Variants in TOP6BL observed in about 807,000 individuals in gnomAD.
The protein encoded by TOP6BL is TOP6B like initiator of meiotic double strand breaks, also known as type 2 DNA topoisomerase 6 subunit B-like.
At chr11:66,823,282 G>A in the TOP6BL span, among the ~76,000 whole-genome samples, 4 of 127,222 alleles carry the variant, frequency 3.1e-5, no homozygotes, top group South Asian at 2.5e-4. Context: ...TGACAACAGC[G>A]AGACTCCACC....
chr11:66,785,063 CT>C, the TOP6BL span, among the ~76,000 whole-genome samples: 28 of 149,706 alleles, frequency 1.9e-4, no homozygotes, highest in Admixed American at 1.9e-3. Context: ...TCTAGCAGTC[CT>C]CCTGCCTCAG....
chr11:66,770,068 GAGGA>G, the TOP6BL span, among the ~76,000 whole-genome samples: 9 of 152,134 alleles, frequency 5.9e-5, no homozygotes, highest in African/African-American at 2.2e-4. Context: ...TTTATAAGAA[GAGGA>G]AGGGAGAGAG....
chr11:66,843,284 C>G, the TOP6BL span: 277 of 1,592,892 alleles, frequency 1.7e-4, no homozygotes, highest in East Asian at 1.2e-3. Flanking sequence ...TGCGGGCAGC[C>G]GTTATCCCGT....
chr11:66,791,733 G>T, the TOP6BL span, among the ~76,000 whole-genome samples: 3 of 152,100 alleles, frequency 2.0e-5, no homozygotes, highest in Non-Finnish European at 4.4e-5. Context: ...GCTTCTGTAG[G>T]TATGTCAGGC....
the TOP6BL span, chr11:66,756,337 CT>C: frequency 0.015 from 16,396 of 1,081,708 alleles, 84 homozygotes; most frequent in Admixed American, 0.018. Flanking sequence ...CTTTTCCCCC[CT>C]TTTTTTTTTC....
the TOP6BL span, among the ~76,000 whole-genome samples, chr11:66,810,802 G>C: frequency 6.6e-6 from 1 of 152,114 alleles, no homozygotes; most frequent in Non-Finnish European, 1.5e-5. Context: ...TTTTGGCATA[G>C]TGATTTGGGG....
chr11:66,842,759 G>C, the TOP6BL span: 2 of 1,297,632 alleles, frequency 1.5e-6, no homozygotes, highest in Admixed American at 2.7e-5. Flanking sequence ...AGAGCCCCTC[G>C]GCGCCCGTTC....
the TOP6BL span, chr11:66,828,358 G>A: frequency 6.2e-7 from 1 of 1,609,710 alleles, no homozygotes; most frequent in Non-Finnish European, 8.5e-7. Flanking sequence ...CATGTGAGGT[G>A]AAGCAGGTAA....
the TOP6BL span, chr11:66,801,173 T>C: frequency 6.7e-7 from 1 of 1,493,436 alleles, no homozygotes; most frequent in Non-Finnish European, 9.3e-7. Context: ...TGGGTAGAAA[T>C]TGGAAATTGT....
At chr11:66,843,480 C>G in the TOP6BL span, 1 of 1,466,792 alleles carries the variant, frequency 6.8e-7, no homozygotes. Context: ...CGGGGATGGG[C>G]TGCGACTGCT....
chr11:66,789,827 A>G, the TOP6BL span, among the ~76,000 whole-genome samples: 32 of 152,338 alleles, frequency 2.1e-4, 1 homozygote, highest in South Asian at 6.6e-3. Flanking sequence ...GTGTCATACA[A>G]CAGTTAAATG....
chr11:66,797,329 T>C, the TOP6BL span, among the ~76,000 whole-genome samples: 5 of 152,102 alleles, frequency 3.3e-5, no homozygotes, highest in Non-Finnish European at 5.9e-5. Flanking sequence ...TTATGTGTTA[T>C]AGCGAGAAAC....
chr11:66,842,999 G>A, the TOP6BL span: 14 of 1,550,894 alleles, frequency 9.0e-6, no homozygotes, highest in East Asian at 4.9e-5. Flanking sequence ...ACTCCTAGAG[G>A]AAGGGAGCAC....
At chr11:66,842,067 T>G in the TOP6BL span, among the ~76,000 whole-genome samples, 1 of 152,078 alleles carries the variant, frequency 6.6e-6, no homozygotes, top group Non-Finnish European at 1.5e-5. Flanking sequence ...TGTGGTGGCA[T>G]GCGCCTGTGG....
At chr11:66,754,098 G>A in the TOP6BL span, among the ~76,000 whole-genome samples, 2 of 152,210 alleles carry the variant, frequency 1.3e-5, no homozygotes, top group Non-Finnish European at 2.9e-5. Flanking sequence ...GGAGAATGGG[G>A]TATTTGTTTG....
chr11:66,830,539 C>T, the TOP6BL span, among the ~76,000 whole-genome samples: 2 of 151,866 alleles, frequency 1.3e-5, no homozygotes, highest in African/African-American at 4.8e-5. Flanking sequence ...TAATAAAGAT[C>T]AGAATGGAAA....
the TOP6BL span, among the ~76,000 whole-genome samples, chr11:66,808,939 G>C: frequency 9.9e-5 from 15 of 152,158 alleles, no homozygotes; most frequent in Non-Finnish European, 2.2e-4. Flanking sequence ...AACTGAGACA[G>C]ATTTGTGTGT....
the TOP6BL span, chr11:66,814,045 T>TA: frequency 6.3e-7 from 1 of 1,586,050 alleles, no homozygotes; most frequent in Non-Finnish European, 8.6e-7. Context: ...GCACAGGAAT[T>TA]AAGACATTTG....
At chr11:66,759,175 TGAAAG>T in the TOP6BL span, 1 of 969,684 alleles carries the variant, frequency 1.0e-6, no homozygotes, top group African/African-American at 1.6e-5. Flanking sequence ...AAATTTATAA[TGAAAG>T]AAAGAGCTGA....
Sources: gnomAD v4.1 joint callset for allele counts (sites outside exome capture counted in the v4.1 genomes callset) on GRCh38, gnomAD v4.1.1 for gene constraint, MANE v1.5 for transcripts, NCBI Gene and HGNC (gene_info 2026-07-23, HGNC 2026-07-21) for gene names.